Variants in SLC39A8 observed in about 807,000 individuals in gnomAD.
SLC39A8 encodes the protein metal cation symporter ZIP8.
SLC39A8 carries 15 observed loss-of-function variants against 40.4 expected under a neutral mutation model. The ratio of observed to expected loss-of-function variants is 0.37; its 90% CI spans 0.25 to 0.57. SLC39A8 has a LOEUF of 0.57. Among genes scored for constraint, SLC39A8 ranks in the 20% least tolerant of loss-of-function variants. The pLI, the probability that SLC39A8 is intolerant of heterozygous loss-of-function variation, is 0.75. For synonymous variants in SLC39A8, 223 were observed against 221.6 expected, an observed-to-expected ratio of 1.01 and a Z score of -0.06; for missense variants, 472 against 558.8, an observed-to-expected ratio of 0.84 and a Z score of 1.57.
chr4:102,307,642 A>G lies in SLC39A8; in HGVS notation c.383-37T>C, dbSNP rs747826425. 6.3e-6 allele frequency: 10 copies of G among 1,584,588 alleles called. No homozygotes were observed. The South Asian group carries it at 6.9e-5, about 11-fold the overall frequency. On this transcript the variant is annotated intron_variant, in intron 3 of 8. Coordinates refer to ENST00000356736, the MANE Select transcript of SLC39A8 (RefSeq NM_001135146.2). ...AGGGAAAAGAGAGTAGAAATTAATC[A>G]GAGCAAGGAACCAAATGATGTTTTC...
intron 6 of SLC39A8, among the ~76,000 whole-genome samples, chr4:102,268,852 T>C (rs1342915370): frequency 6.6e-6 from 1 of 152,152 alleles, no homozygotes; most frequent in Non-Finnish European, 1.5e-5. Context: ...TCCAGAAAAT[T>C]TACAAAATTG....
intron 4 of SLC39A8, 95 bp from the exon 5 acceptor site, chr4:102,305,206 A>C: frequency 7.7e-7 from 1 of 1,290,832 alleles, no homozygotes; most frequent in Non-Finnish European, 1.1e-6. Context: ...CAATGTTCTA[A>C]GTCTCTCTTC....
At chr4:102,307,628 A>C (rs375961033) in intron 3 of SLC39A8, 23 bp from the exon 4 acceptor site, 1 of 1,603,756 alleles carries the variant, frequency 6.2e-7, no homozygotes, top group South Asian at 1.1e-5. Context: ...GGGAAAAGAG[A>C]GTAGAAATTA....
intron 6 of SLC39A8, among the ~76,000 whole-genome samples, chr4:102,291,023 C>G (rs1733416746): frequency 1.3e-5 from 2 of 152,000 alleles, no homozygotes; most frequent in South Asian, 4.1e-4. Flanking sequence ...GAACGTTCAA[C>G]CTCTCCCTGT....
chr4:102,320,229 G>GAA (rs1560560994), intron 2 of SLC39A8, among the ~76,000 whole-genome samples: 18 of 127,624 alleles, frequency 1.4e-4, no homozygotes, highest in African/African-American at 5.6e-4. Context: ...ATATGTATGA[G>GAA]TATATATATA....
At position 102,263,116 on chromosome 4, in the gene SLC39A8, A is replaced by G; in HGVS notation, c.1311T>C (p.Asn437=). 1 of 1,613,884 alleles carries G rather than the reference A, an allele frequency of 6.2e-7. No individual in the cohort carries two copies. Among genetic ancestry groups the G allele is most frequent in the Non-Finnish European group, 8.5e-7 (1 of 1,179,798 alleles). The part of the protein sequence containing the change: ...KTDFTFFMIQ[N]AGMLTGFTAI... ...CTGTGAATCCAGTTAACATTCCAGC[A>G]TTCTGAATCATGAAGAAGGTGAAAT... Residue 437 remains asparagine (N), a synonymous_variant, in exon 9 of 9, where the codon AAT becomes AAC. Transcript: ENST00000356736.
Position 102,344,755 on chromosome 4 carries a change from C to A in SLC39A8, c.-93G>T. 7.4e-7 allele frequency: 1 copy of A among 1,356,250 alleles called. No homozygotes were observed. Among genetic ancestry groups the A allele is most frequent in the South Asian group, 1.8e-5 (1 of 56,326 alleles). The allele number at this position is 1,356,250 out of a possible 1,614,324, so 84.0% of individuals were successfully genotyped here. ...TGGCGTCCTTGCCCAAGGGCGGGAG[C>A]GTCAGTGCTCGGCGCTGCTCCGAGT... is the stretch of plus-strand genomic sequence containing the variant. On this transcript the variant is annotated 5_prime_UTR_variant, in exon 2 of 9. Coordinates refer to ENST00000356736, the MANE Select transcript of SLC39A8 (RefSeq NM_001135146.2).
chr4:102,295,275 A>G (rs1406254325), intron 6 of SLC39A8, among the ~76,000 whole-genome samples: 1 of 151,460 alleles, frequency 6.6e-6, no homozygotes, highest in African/African-American at 2.4e-5. Flanking sequence ...ATAACATTGG[A>G]ATTGTGTTTG....
In SLC39A8 at chr4:102,305,118, G is replaced by A. The variant is rs1338492077; in HGVS notation, c.553-7C>T. ...TGGGATCAAATCCAAATGCCTAAGG[G>A]AGAAAAAAGGGCAATTCAAGTAAAA... On this transcript the variant is annotated splice_polypyrimidine_tract_variant and splice_region_variant and intron_variant, in intron 4 of 8. Transcript: ENST00000356736. 2.5e-6 allele frequency: 4 copies of A among 1,599,356 alleles called. No homozygotes were observed. The highest frequency in any genetic ancestry group is 1.4e-5 in the African/African-American group (1 of 73,732).
intron 2 of SLC39A8, among the ~76,000 whole-genome samples, chr4:102,339,538 C>T (rs542400715): frequency 7.9e-5 from 12 of 152,124 alleles, no homozygotes; most frequent in African/African-American, 2.4e-4. Context: ...AATATGAGCC[C>T]GGAGTTATTC....
At chr4:102,323,803 T>A (rs1276989020) in intron 2 of SLC39A8, among the ~76,000 whole-genome samples, 2 of 152,228 alleles carry the variant, frequency 1.3e-5, no homozygotes, top group Non-Finnish European at 2.9e-5. Context: ...TAAGCCAGTA[T>A]TCTGGCTGCT....
At chr4:102,342,354 C>A (rs926689992) in intron 2 of SLC39A8, among the ~76,000 whole-genome samples, 1 of 152,278 alleles carries the variant, frequency 6.6e-6, no homozygotes, top group African/African-American at 2.4e-5. Flanking sequence ...TACAAATTAG[C>A]CCGGTGTGGT....
At chr4:102,255,641 A>G (rs1292110915) in intron 11 of SLC39A8, among the ~76,000 whole-genome samples, 1 of 152,186 alleles carries the variant, frequency 6.6e-6, no homozygotes, top group Non-Finnish European at 1.5e-5. Flanking sequence ...TTGGTTGACA[A>G]TCTCCAGTAG....
intron 6 of SLC39A8, among the ~76,000 whole-genome samples, chr4:102,276,985 A>G (rs146363756): frequency 2.6e-5 from 4 of 152,330 alleles, no homozygotes; most frequent in African/African-American, 9.6e-5. Context: ...GATGGAACAT[A>G]TCTCACAATA....
chr4:102,301,716 T>C (rs1320714410), intron 6 of SLC39A8, among the ~76,000 whole-genome samples: 1 of 152,100 alleles, frequency 6.6e-6, no homozygotes, highest in Non-Finnish European at 1.5e-5. Flanking sequence ...GCCTCATCTT[T>C]GTCATGGTGC....
At chr4:102,309,105 G>A (rs183303376) in intron 3 of SLC39A8, among the ~76,000 whole-genome samples, 14 of 151,924 alleles carry the variant, frequency 9.2e-5, no homozygotes, top group African/African-American at 2.2e-4. Flanking sequence ...TTATTAACAC[G>A]AGATTGTTCA....
intron 2 of SLC39A8, among the ~76,000 whole-genome samples, chr4:102,331,009 T>C (rs1214936863): frequency 6.6e-6 from 1 of 152,182 alleles, no homozygotes; most frequent in Non-Finnish European, 1.5e-5. Context: ...AAACTACGTA[T>C]TGATGGGATG....
intron 6 of SLC39A8, among the ~76,000 whole-genome samples, chr4:102,303,773 G>A (rs1734014813): frequency 6.6e-6 from 1 of 151,698 alleles, no homozygotes; most frequent in South Asian, 2.1e-4. Flanking sequence ...CTGAGTAGTT[G>A]TTATAAAAAG....
At chr4:102,259,531 A>C, downstream of SLC39A8, 1 of 1,519,426 alleles carries the variant, frequency 6.6e-7, no homozygotes. Flanking sequence ...GAATCAGATA[A>C]CAAACTGGTA....
Sources: allele counts gnomAD v4.1 joint callset (sites outside exome capture counted in the v4.1 genomes callset), GRCh38; gene constraint gnomAD v4.1.1; transcripts MANE v1.5; gene names NCBI Gene and HGNC (gene_info 2026-07-23, HGNC 2026-07-21).